The following NCKAP5 variants were observed in gnomAD, a reference collection of about 807,000 sequenced individuals.
NCKAP5 encodes the protein nck-associated protein 5.
A neutral mutation model predicts 167.0 loss-of-function variants in NCKAP5; 92 were observed. The observed-to-expected ratio is 0.55, with a 90% CI of 0.47 to 0.66. NCKAP5 has a LOEUF of 0.66. Among genes scored for constraint, NCKAP5 ranks in the 30% least tolerant of loss-of-function variants. NCKAP5 has a pLI of 0.00. For missense variants in NCKAP5, 2,378 were observed against 2,315.0 expected (o/e 1.03, Z -0.56); for synonymous variants, 891 against 877.4 (o/e 1.02, Z -0.27).
chr2:133,007,768 T>C (rs777117698), intron 6 of NCKAP5, among the ~76,000 whole-genome samples: 22 of 152,188 alleles, frequency 1.4e-4, no homozygotes, highest in Non-Finnish European at 2.6e-4. Context: ...ATAATCTTCA[T>C]ATCAATGGAA....
chr2:133,644,201 A>G, the NCKAP5 span, among the ~76,000 whole-genome samples: 2 of 152,208 alleles, frequency 1.3e-5, no homozygotes, highest in African/African-American at 2.4e-5. Flanking sequence ...GCCCTCATTA[A>G]CAAGTGTGCC....
At chr2:132,727,678 G>C (rs1690596119) in intron 18 of NCKAP5, among the ~76,000 whole-genome samples, 2 of 152,206 alleles carry the variant, frequency 1.3e-5, no homozygotes. Context: ...CCCACGTCTT[G>C]TGGAGGCAGC....
chr2:132,749,776 C>A (rs143431336), intron 16 of NCKAP5, among the ~76,000 whole-genome samples: 1 of 152,018 alleles, frequency 6.6e-6, no homozygotes, highest in East Asian at 1.9e-4. Context: ...TGCTTAGCCA[C>A]GCAGGACAGT....
rs1467365187 is a variant in NCKAP5, at chr2:133,417,498, G to A, written c.69+99960C>T. 3.0e-4 allele frequency among the ~76,000 whole-genome samples: 46 copies of A among 152,358 alleles called. 1 individual carries two copies. ...CAAGTGACCGTGAACTGCCAGAGCA[G>A]TGGCAGGTGTCCTTCCCAGCAGAGA... On this transcript the variant is annotated intron_variant, in intron 3 of 19. Coordinates refer to ENST00000409261, the MANE Select transcript of NCKAP5 (RefSeq NM_207363.3).
At chr2:132,736,936 A>T (rs1291227921) in intron 16 of NCKAP5, among the ~76,000 whole-genome samples, 1 of 152,202 alleles carries the variant, frequency 6.6e-6, no homozygotes, top group East Asian at 1.9e-4. Context: ...TCATCCTTGC[A>T]AGGTCACCAA....
intron 19 of NCKAP5, among the ~76,000 whole-genome samples, chr2:132,715,165 G>A (rs146514077): frequency 2.8e-4 from 42 of 152,228 alleles, no homozygotes; most frequent in African/African-American, 8.9e-4. Flanking sequence ...TTCTTCCCCC[G>A]ATACCTGAAA....
At chr2:133,402,023 G>A (rs1688132947) in intron 3 of NCKAP5, among the ~76,000 whole-genome samples, 1 of 152,088 alleles carries the variant, frequency 6.6e-6, no homozygotes, top group African/African-American at 2.4e-5. Flanking sequence ...GCCCTTCCAG[G>A]GGGATGTCAC....
intron 11 of NCKAP5, among the ~76,000 whole-genome samples, chr2:132,823,187 A>G (rs1205762484): frequency 1.3e-5 from 2 of 152,236 alleles, no homozygotes; most frequent in African/African-American, 4.8e-5. Context: ...TTCAAATAGA[A>G]GAAGCTCAAA....
chr2:132,700,618 A>ATGAT (rs923317849), intron 19 of NCKAP5, among the ~76,000 whole-genome samples: 4 of 152,146 alleles, frequency 2.6e-5, no homozygotes, highest in African/African-American at 9.7e-5. Flanking sequence ...CAGGTTTGAA[A>ATGAT]TGATAGATTA....
At chr2:133,491,378 G>A (rs1161586726) in intron 3 of NCKAP5, among the ~76,000 whole-genome samples, 1 of 152,158 alleles carries the variant, frequency 6.6e-6, no homozygotes, top group Non-Finnish European at 1.5e-5. Context: ...AAGGCTGTCT[G>A]GGAGGGTGGT....
intron 5 of NCKAP5, among the ~76,000 whole-genome samples, chr2:133,199,745 C>T (rs2150115438): frequency 6.6e-6 from 1 of 152,034 alleles, no homozygotes; most frequent in Non-Finnish European, 1.5e-5. Context: ...AATATATGCC[C>T]ATAATAATGA....
Position 132,782,373 on chromosome 2 carries a change from T to A in NCKAP5, c.4438A>T (p.Ile1480Phe). The change falls in exon 14 of 20, where the codon ATT (isoleucine) becomes TTT (phenylalanine). Residue 1480 changes from isoleucine (I) to phenylalanine (F), a missense_variant. Coordinates refer to ENST00000409261, the MANE Select transcript of NCKAP5 (RefSeq NM_207363.3). The stretch of plus-strand genomic sequence containing the variant: ...TGGCCCTTTTCCACATTTTCCTGAA[T>A]GCACAACATGACCTTTTCTTCGATT... ...PTIEEKVMLC[I>F]QENVEKGQVQ... 4 of 1,614,070 alleles carry A rather than the reference T, an allele frequency of 2.5e-6. No individual in the cohort carries two copies. The highest frequency in any genetic ancestry group is 3.4e-6 in the Non-Finnish European group (4 of 1,179,908).
At chr2:132,976,068 C>G (rs1227121240) in intron 7 of NCKAP5, among the ~76,000 whole-genome samples, 1 of 152,052 alleles carries the variant, frequency 6.6e-6, no homozygotes, top group Non-Finnish European at 1.5e-5. Flanking sequence ...AATTTTCTAC[C>G]CATTTTGTCA....
At chr2:132,938,172 C>T (rs1045893203) in intron 8 of NCKAP5, among the ~76,000 whole-genome samples, 8 of 152,144 alleles carry the variant, frequency 5.3e-5, no homozygotes, top group African/African-American at 1.9e-4. Context: ...TTGAGGTGTG[C>T]TGGGAAAGTC....
At chr2:132,702,351 C>T (rs1483541616) in intron 19 of NCKAP5, among the ~76,000 whole-genome samples, 1 of 152,086 alleles carries the variant, frequency 6.6e-6, no homozygotes. Flanking sequence ...GGACTCCAGC[C>T]TCTTCTCGCT....
chr2:133,209,126 C>A (rs888778421), intron 5 of NCKAP5, among the ~76,000 whole-genome samples: 1 of 151,754 alleles, frequency 6.6e-6, no homozygotes, highest in Non-Finnish European at 1.5e-5. Flanking sequence ...TACCTTCATA[C>A]TCTTGGGGTA....
intron 3 of NCKAP5, among the ~76,000 whole-genome samples, chr2:133,377,845 G>A (rs1686255489): frequency 6.6e-6 from 1 of 152,200 alleles, no homozygotes; most frequent in African/African-American, 2.4e-5. Flanking sequence ...GGAGCCATCT[G>A]AGGGCTAAGC....
chr2:133,160,981 G>A (rs1042100171), intron 5 of NCKAP5, among the ~76,000 whole-genome samples: 12 of 152,120 alleles, frequency 7.9e-5, no homozygotes, highest in African/African-American at 2.7e-4. Context: ...GGCCTGTTAG[G>A]AATGGGGCCA....
At chr2:132,973,454 TTC>T (rs2076891816) in intron 7 of NCKAP5, among the ~76,000 whole-genome samples, 1 of 152,194 alleles carries the variant, frequency 6.6e-6, no homozygotes, top group Non-Finnish European at 1.5e-5. Context: ...ATCACATAAA[TTC>T]TCTGTCCCTC....
Sources: gnomAD v4.1 joint callset for allele counts (sites outside exome capture counted in the v4.1 genomes callset) on GRCh38, gnomAD v4.1.1 for gene constraint, MANE v1.5 for transcripts, NCBI Gene and HGNC (gene_info 2026-07-23, HGNC 2026-07-21) for gene names.